SDK2: variants seen among roughly 807,000 people sequenced by gnomAD.
SDK2 encodes the protein protein sidekick-2.
Under a neutral mutation model 253.9 loss-of-function variants are expected in SDK2, and 105 were observed. The ratio of observed to expected loss-of-function variants is 0.41; its 90% CI spans 0.35 to 0.49. The LOEUF (loss-of-function observed/expected upper bound fraction) is 0.49. SDK2 is among the 20% of genes least tolerant of loss of function. The pLI is 0.06. For synonymous variants in SDK2, 1,249 were observed against 1,234.9 expected (o/e 1.01, Z -0.24); for missense variants, 2,608 against 3,003.0 (o/e 0.87, Z 3.07).
intron 1 of SDK2, among the ~76,000 whole-genome samples, chr17:73,606,670 C>T (rs781422438): frequency 1.3e-5 from 2 of 151,894 alleles, no homozygotes; most frequent in Non-Finnish European, 2.9e-5. Flanking sequence ...CCTGCAGAGC[C>T]TGTTTTCTTT....
chr17:73,480,963 C>T (rs763209959), intron 2 of SDK2, among the ~76,000 whole-genome samples: 16 of 152,186 alleles, frequency 1.1e-4, no homozygotes, highest in Non-Finnish European at 1.9e-4. Flanking sequence ...CCCACATCTT[C>T]GGTGAGAGTT....
chr17:73,387,240 G>A (rs549627422), intron 30 of SDK2, among the ~76,000 whole-genome samples: 99 of 152,332 alleles, frequency 6.5e-4, no homozygotes, highest in Middle Eastern at 3.4e-3. Context: ...GATTCCGGGC[G>A]TAAGCCACCG....
At chr17:73,514,372 C>A (rs564586142) in intron 1 of SDK2, among the ~76,000 whole-genome samples, 1 of 152,314 alleles carries the variant, frequency 6.6e-6, no homozygotes, top group South Asian at 2.1e-4. Flanking sequence ...TCCCTAGGCT[C>A]CAGGCTAAAT....
intron 1 of SDK2, among the ~76,000 whole-genome samples, chr17:73,586,772 G>A (rs896773366): frequency 1.3e-5 from 2 of 152,294 alleles, no homozygotes; most frequent in East Asian, 1.9e-4. Flanking sequence ...GATTATAATC[G>A]TTGGCATTCT....
At chr17:73,405,641 T>C (rs905664654) in intron 18 of SDK2, among the ~76,000 whole-genome samples, 3 of 150,784 alleles carry the variant, frequency 2.0e-5, no homozygotes, top group Admixed American at 6.6e-5. Context: ...CGCCCGCAGA[T>C]ACCAAAAGCC....
chr17:73,422,855 C>T (rs1002701815), intron 14 of SDK2, among the ~76,000 whole-genome samples: 5 of 151,988 alleles, frequency 3.3e-5, no homozygotes, highest in Non-Finnish European at 7.4e-5. Context: ...AATCCCATCT[C>T]TACTAAAAAT....
chr17:73,540,717 G>A, intron 1 of SDK2, among the ~76,000 whole-genome samples: 1 of 152,322 alleles, frequency 6.6e-6, no homozygotes, highest in Admixed American at 6.5e-5. Flanking sequence ...GGCTAGCTAG[G>A]AGGGGTAACT....
chr17:73,349,812 A>C (rs1415273382), intron 43 of SDK2, among the ~76,000 whole-genome samples: 1 of 152,106 alleles, frequency 6.6e-6, no homozygotes, highest in African/African-American at 2.4e-5. Context: ...TCCTTCGCTA[A>C]GGTGTTTTTG....
intron 1 of SDK2, among the ~76,000 whole-genome samples, chr17:73,578,721 G>C (rs1393222797): frequency 6.6e-6 from 1 of 152,148 alleles, no homozygotes; most frequent in African/African-American, 2.4e-5. Context: ...GGCCAACAGT[G>C]TGAGAGGCTG....
intron 2 of SDK2, among the ~76,000 whole-genome samples, chr17:73,474,845 A>C (rs887137144): frequency 6.6e-6 from 1 of 152,230 alleles, no homozygotes. Context: ...AGATATTATT[A>C]AAAAGCACCA....
chr17:73,543,502 A>G (rs1231831111), intron 1 of SDK2, among the ~76,000 whole-genome samples: 1 of 152,184 alleles, frequency 6.6e-6, no homozygotes, highest in African/African-American at 2.4e-5. Context: ...TCCTCCTCCC[A>G]CCAGACAGAG....
Position 73,395,054 on chromosome 17 carries a change from TGAACAACACC to T in SDK2, c.3592+91_3592+100del. ...AGAGGAAATGAGCTCAGGCTGTTTT[TGAACAACACC>T]TTCAGCCTGGCACGCGCTTGGATGA... On this transcript the variant is annotated intron_variant, in intron 25 of 44. Coordinates refer to ENST00000392650, the MANE Select transcript of SDK2 (RefSeq NM_001144952.2). The surrounding 1 kb of genome is among the most constrained non-coding windows in gnomAD (Gnocchi z 4.3). 1.1e-6 allele frequency: 1 copy of T among 896,824 alleles called. No individual in the cohort carries two copies. The highest frequency in any genetic ancestry group is 1.7e-6 in the Non-Finnish European group (1 of 591,128). The allele number at this position is 896,824 out of a possible 1,614,324, so 55.6% of individuals were successfully genotyped here.
At chr17:73,386,767 C>T (rs2062876102) in intron 30 of SDK2, among the ~76,000 whole-genome samples, 1 of 152,182 alleles carries the variant, frequency 6.6e-6, no homozygotes, top group African/African-American at 2.4e-5. Context: ...AGACCAGGTC[C>T]TCCAGACCAT....
rs544726902 is a variant in SDK2, at chr17:73,395,724, C to T, written c.3355-332G>A. On this transcript the variant is annotated intron_variant, in intron 24 of 44. Coordinates refer to ENST00000392650, the MANE Select transcript of SDK2 (RefSeq NM_001144952.2). The surrounding 1 kb of genome is among the most constrained non-coding windows in gnomAD (Gnocchi z 4.3). ...GATAGCACCGCCACCTTTGGCTCTG[C>T]TGTCTCTGCTGCTTACCTCTGTCAC... 3.4e-4 allele frequency among the ~76,000 whole-genome samples: 52 copies of T among 152,344 alleles called. No homozygotes were observed. Among genetic ancestry groups the T allele is most frequent in the African/African-American group, 1.2e-3 (49 of 41,584 alleles).
intron 12 of SDK2, among the ~76,000 whole-genome samples, chr17:73,426,043 A>G (rs187695988): frequency 3.3e-5 from 5 of 151,304 alleles, no homozygotes; most frequent in Admixed American, 2.6e-4. Context: ...CTATTTTTAT[A>G]TTTTATTTTA....
chr17:73,386,488 G>A lies in SDK2; in HGVS notation c.4455C>T (p.Ser1485=), dbSNP rs761807489. The change falls in exon 31 of 45, where the codon AGC becomes AGT. Residue 1485 remains serine, a synonymous_variant. Coordinates refer to ENST00000392650, the MANE Select transcript of SDK2 (RefSeq NM_001144952.2). ...GTGACTCCGACTCCTCGCTGAACTC[G>A]CTGTCGCCAATGTCATTGGTCGCCT... The part of the protein sequence containing the change: ...RVKATNDIGD[S]EFSEESESLT... The A allele has an allele frequency of 2.5e-5, 39 of 1,562,136 alleles. No individual in the cohort carries two copies. In the Middle Eastern group the frequency reaches 5.0e-4, roughly 20 times the overall value.
chr17:73,351,127 G>A (rs1384736824), intron 41 of SDK2, among the ~76,000 whole-genome samples: 1 of 133,802 alleles, frequency 7.5e-6, no homozygotes, highest in Admixed American at 7.6e-5. Context: ...TTTTTTTTTT[G>A]AGACGGAGTT....
chr17:73,435,623 G>C lies in SDK2; in HGVS notation c.1022C>G (p.Thr341Ser), dbSNP rs763056954. Reference protein sequence around the residue: ...QAKGVPPPSITWYKDAAVVEV... With the variant: ...QAKGVPPPSISWYKDAAVVEV... ...CACCACGGCTGCGTCCTTGTACCAG[G>C]TGATGGAGGGCGGCGGCACACCTGT... is the stretch of plus-strand genomic sequence containing the variant. Residue 341 changes from threonine (T) to serine (S), a missense_variant, in exon 9 of 45, where the codon ACC becomes AGC. Around this residue, in one of 2 missense-constraint regions of SDK2, gnomAD observed 1,505 missense variants for 1,859.1 expected, o/e 0.81. Transcript: ENST00000392650. The surrounding 1 kb of genome is among the most constrained non-coding windows in gnomAD (Gnocchi z 5.7). The C allele has an allele frequency of 3.2e-6, 5 of 1,569,902 alleles. No individual in the cohort carries two copies. In the South Asian group the frequency reaches 4.7e-5, roughly 15 times the overall value.
chr17:73,522,610 CTACCGCCTCCTGATGGT>C (rs2064090792), intron 1 of SDK2, among the ~76,000 whole-genome samples: 1 of 152,226 alleles, frequency 6.6e-6, no homozygotes, highest in Non-Finnish European at 1.5e-5. Context: ...GTGGACTCTG[CTACCGCCTCCTGATGGT>C]TATCCATCCA....
Sources: allele counts gnomAD v4.1 joint callset (sites outside exome capture counted in the v4.1 genomes callset), GRCh38; gene constraint gnomAD v4.1.1; regional missense constraint gnomAD v4.1.1; non-coding constraint Gnocchi (gnomAD v3.1); transcripts MANE v1.5; gene names NCBI Gene and HGNC (gene_info 2026-07-23, HGNC 2026-07-21).